The following LURAP1L variants were observed in gnomAD, a reference collection of about 807,000 sequenced individuals.
The protein encoded by LURAP1L is leucine rich adaptor protein 1-like.
A neutral mutation model predicts 13.8 loss-of-function variants in LURAP1L; 12 were observed. That is an observed-to-expected ratio of 0.87 (90% CI 0.56 to 1.41). LURAP1L has a LOEUF of 1.41. Ranked by LOEUF, LURAP1L falls within the 40% of genes most tolerant of loss-of-function variation. The probability of loss-of-function intolerance (pLI) is 0.00; values close to 1 mark genes in which losing one functional copy is unlikely to be tolerated. For synonymous variants in LURAP1L, 139 were observed against 119.2 expected, an observed-to-expected ratio of 1.17 and a Z score of -1.08; for missense variants, 375 against 292.9, an observed-to-expected ratio of 1.28 and a Z score of -2.04.
intron 1 of LURAP1L, among the ~76,000 whole-genome samples, chr9:12,781,634 C>T (rs1254594516): frequency 6.6e-6 from 1 of 152,110 alleles, no homozygotes; most frequent in African/African-American, 2.4e-5. Flanking sequence ...TGCGTACGTA[C>T]AACATTTTCT....
chr9:12,785,601 T>C (rs1586875986), intron 1 of LURAP1L, among the ~76,000 whole-genome samples: 3 of 152,326 alleles, frequency 2.0e-5, no homozygotes, highest in East Asian at 3.9e-4. Context: ...GTGTGGGAGC[T>C]AGCTGAATTC....
At chr9:12,798,630 G>A (rs186774069) in intron 1 of LURAP1L, among the ~76,000 whole-genome samples, 46 of 152,300 alleles carry the variant, frequency 3.0e-4, no homozygotes, top group African/African-American at 1.0e-3. Flanking sequence ...TTCAAAGCTA[G>A]AAGTGATGAA....
intron 1 of LURAP1L, among the ~76,000 whole-genome samples, chr9:12,784,702 G>C (rs747611699): frequency 3.3e-5 from 5 of 152,146 alleles, no homozygotes; most frequent in Non-Finnish European, 7.4e-5. Context: ...GGTCACCACT[G>C]ATGTTTATTT....
rs1819900974 is a variant in LURAP1L, at chr9:12,822,912, C to T, written c.*1152C>T. On this transcript the variant is annotated 3_prime_UTR_variant, in exon 2 of 2. Transcript: ENST00000319264. ...TTTCCGGACTAAACACTCTATAATA[C>T]AAATCAAAAAATCTTCCTTCTTATA... Among the ~76,000 whole-genome samples the T allele has an allele frequency of 6.6e-6, 1 of 152,110 alleles. No individual in the cohort carries two copies. Among genetic ancestry groups the T allele is most frequent in the Non-Finnish European group, 1.5e-5 (1 of 67,994 alleles).
At chr9:12,799,674 A>G (rs1015771831) in intron 1 of LURAP1L, among the ~76,000 whole-genome samples, 2 of 152,058 alleles carry the variant, frequency 1.3e-5, no homozygotes, top group Non-Finnish European at 2.9e-5. Flanking sequence ...AGGTCAGGAG[A>G]TCGAGACCAC....
At chr9:12,810,949 T>C (rs1563897447) in intron 1 of LURAP1L, among the ~76,000 whole-genome samples, 3 of 152,210 alleles carry the variant, frequency 2.0e-5, no homozygotes, top group Non-Finnish European at 4.4e-5. Context: ...AAATTATCAT[T>C]AGCAGGTGAA....
At chr9:12,788,192 A>AAAGAAAGAAAGAAAGAAAG (rs1554657446) in intron 1 of LURAP1L, among the ~76,000 whole-genome samples, 1,102 of 103,238 alleles carry the variant, frequency 0.011, 5 homozygotes, top group Non-Finnish European at 0.014. Context: ...AGAAAGAAAG[A>AAAGAAAGAAAGAAAGAAAG]AAAGAAAAGA....
chr9:12,816,815 A>T (rs1352767778), intron 1 of LURAP1L, among the ~76,000 whole-genome samples: 1 of 152,198 alleles, frequency 6.6e-6, no homozygotes, highest in East Asian at 1.9e-4. Context: ...ATAAACTGTA[A>T]GGACCAGAGT....
intron 1 of LURAP1L, among the ~76,000 whole-genome samples, chr9:12,812,975 A>AT: frequency 6.6e-6 from 1 of 152,276 alleles, no homozygotes; most frequent in South Asian, 2.1e-4. Flanking sequence ...TGGTATAAAT[A>AT]TTTTACATCT....
intron 1 of LURAP1L, among the ~76,000 whole-genome samples, chr9:12,788,177 A>AAGAAAGAAAGAT (rs1453403763): frequency 6.8e-6 from 1 of 147,990 alleles, no homozygotes; most frequent in South Asian, 2.1e-4. Flanking sequence ...GAAAGAAAGA[A>AAGAAAGAAAGAT]AGAAAGAAAG....
chr9:12,781,666 G>A (rs562315806), intron 1 of LURAP1L, among the ~76,000 whole-genome samples: 2 of 152,254 alleles, frequency 1.3e-5, no homozygotes, highest in South Asian at 4.1e-4. Flanking sequence ...TCTCTTGATG[G>A]ACACAGGTTG....
At chr9:12,813,515 A>ATTT (rs1819765468) in intron 1 of LURAP1L, among the ~76,000 whole-genome samples, 2 of 152,180 alleles carry the variant, frequency 1.3e-5, no homozygotes, top group South Asian at 4.1e-4. Context: ...TGCTACAGAA[A>ATTT]TTTAAAAACA....
At chr9:12,812,530 G>T (rs2118539630) in intron 1 of LURAP1L, among the ~76,000 whole-genome samples, 1 of 152,256 alleles carries the variant, frequency 6.6e-6, no homozygotes, top group African/African-American at 2.4e-5. Flanking sequence ...TACAAAGTAA[G>T]TTTACTAAAG....
intron 1 of LURAP1L, among the ~76,000 whole-genome samples, chr9:12,796,444 A>T (rs543057818): frequency 1.3e-5 from 2 of 152,026 alleles, no homozygotes; most frequent in African/African-American, 4.8e-5. Flanking sequence ...ACATTGTGTT[A>T]TAAACCCTTT....
chr9:12,788,187 G>GAAAGAAAGAAAGAAAGAAAGAA (rs374048758), intron 1 of LURAP1L, among the ~76,000 whole-genome samples: 2 of 136,598 alleles, frequency 1.5e-5, no homozygotes, highest in Non-Finnish European at 3.1e-5. Context: ...AAGAAAGAAA[G>GAAAGAAAGAAAGAAAGAAAGAA]AAAGAAAAGA....
intron 1 of LURAP1L, 45 bp from the exon 2 acceptor site, chr9:12,821,341 G>C: frequency 6.4e-7 from 1 of 1,572,988 alleles, no homozygotes. Flanking sequence ...GGCCTTTCGA[G>C]AGTGTAAAAT....
rs1819158785 is a variant in LURAP1L, at chr9:12,775,592, G to A, written c.-124G>A. The stretch of plus-strand genomic sequence containing the variant: ...GCGGTTATGGAAAGGACGGTACACC[G>A]GAGCGGCGGAGGATAGAGACCCTGG... On this transcript the variant is annotated 5_prime_UTR_variant, in exon 1 of 2. Transcript: ENST00000319264. 2.8e-6 allele frequency: 4 copies of A among 1,421,734 alleles called. No homozygotes were observed. The highest frequency in any genetic ancestry group is 3.1e-5 in the South Asian group (2 of 64,834). 88.1% of individuals were successfully genotyped at this position (1,421,734 alleles called of 1,614,324 possible).
intron 1 of LURAP1L, among the ~76,000 whole-genome samples, chr9:12,804,920 T>C (rs137876284): frequency 6.6e-6 from 1 of 152,206 alleles, no homozygotes; most frequent in East Asian, 1.9e-4. Flanking sequence ...GTAAATACTT[T>C]TATTGGAACA....
intron 1 of LURAP1L, among the ~76,000 whole-genome samples, chr9:12,800,423 C>G (rs1219729565): frequency 6.6e-6 from 1 of 151,812 alleles, no homozygotes; most frequent in Non-Finnish European, 1.5e-5. Flanking sequence ...ATCTGAGATC[C>G]AAAATCCAAA....
Sources: gnomAD v4.1 joint callset for allele counts (sites outside exome capture counted in the v4.1 genomes callset) on GRCh38, gnomAD v4.1.1 for gene constraint, MANE v1.5 for transcripts, NCBI Gene and HGNC (gene_info 2026-07-23, HGNC 2026-07-21) for gene names.